ARHGEF9: variants seen among roughly 807,000 people sequenced by gnomAD.
The protein encoded by ARHGEF9 is Cdc42 guanine nucleotide exchange factor 9.
In ARHGEF9, 2 loss-of-function variants were observed where a neutral mutation model predicts 41.3. The ratio of observed to expected loss-of-function variants is 0.05; its 90% confidence interval spans 0.02 to 0.15. The LOEUF (loss-of-function observed/expected upper bound fraction) is 0.15. Ranked by LOEUF, ARHGEF9 falls within the 10% of genes least tolerant of loss-of-function variation. The probability of loss-of-function intolerance (pLI) is 1.00; values close to 1 mark genes in which losing one functional copy is unlikely to be tolerated. For synonymous variants in ARHGEF9, 160 were observed against 154.4 expected, an observed-to-expected ratio of 1.04 and a Z score of -0.27; for missense variants, 225 against 424.7, an observed-to-expected ratio of 0.53 and a Z score of 4.13.
At chrX:63,768,116 T>C (rs1273101023) in intron 1 of ARHGEF9, among the ~76,000 whole-genome samples, 1 of 111,959 alleles carries the variant, frequency 8.9e-6, no homozygotes, top group African/African-American at 3.2e-5. Context: ...TATGTAGTTT[T>C]TTATTTTTTG....
At chrX:63,686,201 T>G (rs1484430485) in intron 4 of ARHGEF9, among the ~76,000 whole-genome samples, 1 of 111,828 alleles carries the variant, frequency 8.9e-6, no homozygotes, top group African/African-American at 3.2e-5. Flanking sequence ...AAGAATGAAA[T>G]TATGTCATTT....
At position 63,697,259 on chromosome X, in the gene ARHGEF9, C is replaced by T. The variant is rs782237174; in HGVS notation, c.448G>A (p.Glu150Lys). ...TTCCCAAAGATTACCTTCAGTTGCT[C>T]GTCACTGAACATGTCCCTTCTCTTC... The part of the protein sequence containing the change: ...CRKRRDMFSD[E>K]QLKVIFGNIE... The change falls in exon 4 of 10, where the codon GAG (glutamate) becomes AAG (lysine). Residue 150 changes from glutamate (E) to lysine (K), a missense_variant. This residue lies in a region of ARHGEF9 where 114 missense variants were observed against 197.9 expected (regional missense o/e 0.58). Coordinates refer to ENST00000671741, the MANE Select transcript of ARHGEF9 (RefSeq NM_001353921.2). The T allele has an allele frequency of 1.7e-5, 20 of 1,208,703 alleles. No individual in the cohort carries two copies. The highest frequency in any genetic ancestry group is 2.2e-5 in the Non-Finnish European group (20 of 894,551).
intron 1 of ARHGEF9, among the ~76,000 whole-genome samples, chrX:63,781,815 A>G (rs1337688302): frequency 1.8e-5 from 2 of 112,035 alleles, no homozygotes; most frequent in Non-Finnish European, 3.8e-5. Context: ...GATTTCATCT[A>G]TCCTTCTTCC....
intron 2 of ARHGEF9, among the ~76,000 whole-genome samples, chrX:63,721,406 T>C (rs781798540): frequency 1.5e-4 from 17 of 111,105 alleles, no homozygotes; most frequent in African/African-American, 5.6e-4. Flanking sequence ...CAGCTCCTGA[T>C]GACACCTCAG....
chrX:63,755,122 T>TC, intron 1 of ARHGEF9: 7 of 938,153 alleles, frequency 7.5e-6, no homozygotes, highest in Non-Finnish European at 9.3e-6. Context: ...TCTCTCCCCA[T>TC]CCCCCGCTCA....
At chrX:63,742,883 C>T (rs1358233934) in intron 1 of ARHGEF9, among the ~76,000 whole-genome samples, 1 of 112,313 alleles carries the variant, frequency 8.9e-6, no homozygotes, top group Non-Finnish European at 1.9e-5. Flanking sequence ...CAATGCCAAC[C>T]TATCCAATTA....
intron 1 of ARHGEF9, chrX:63,736,971 T>C (rs1407423682): frequency 1.8e-5 from 2 of 111,270 alleles, no homozygotes; most frequent in Non-Finnish European, 3.8e-5. Flanking sequence ...AGAACTAATA[T>C]TTTCTCCCTA....
intron 8 of ARHGEF9, 35 bp downstream of exon 8, chrX:63,655,459 A>G: frequency 1.7e-6 from 2 of 1,209,928 alleles, no homozygotes; most frequent in South Asian, 1.8e-5. Flanking sequence ...TGTTCTTCAT[A>G]GCCATGTTCT....
intron 6 of ARHGEF9, among the ~76,000 whole-genome samples, chrX:63,670,528 A>G (rs1443428700): frequency 9.1e-6 from 1 of 109,785 alleles, no homozygotes; most frequent in Non-Finnish European, 1.9e-5. Context: ...TCCTGCTACA[A>G]ATCTCCAGAA....
rs781945500 is a variant in ARHGEF9, at chrX:63,657,568, A to T, written c.1078-1831T>A. 2.7e-5 allele frequency: 3 copies of T among 112,074 alleles called. No homozygotes were observed. In the East Asian group the frequency reaches 8.4e-4, roughly 31 times the overall value. 9.2% of individuals were successfully genotyped at this position (112,074 alleles called of 1,213,427 possible). ...AAAGAATATAGATGGATTCTGATCTATTGGTTGTCCCCAGGATCAAGTTCA... is the reference window on the plus strand; with the variant it reads ...AAAGAATATAGATGGATTCTGATCTTTTGGTTGTCCCCAGGATCAAGTTCA... On this transcript the variant is annotated intron_variant, in intron 7 of 9. Transcript: ENST00000671741.
rs1467345208 is a variant in ARHGEF9, at chrX:63,636,903, A to G, written c.*1125T>C. On this transcript the variant is annotated 3_prime_UTR_variant, in exon 10 of 10. Coordinates refer to ENST00000671741, the MANE Select transcript of ARHGEF9 (RefSeq NM_001353921.2). ...CTTGAACCCCTCCATACTTCTATCA[A>G]TGCTGCCCAAACATCTGTAAATGGG... 1.4e-5 allele frequency: 4 copies of G among 295,269 alleles called. No individual in the cohort carries two copies. The highest frequency in any genetic ancestry group is 2.1e-4 in the South Asian group (1 of 4,786). 24.3% of individuals were successfully genotyped at this position (295,269 alleles called of 1,213,427 possible).
At chrX:63,674,287 A>G in intron 5 of ARHGEF9, 120 bp from the exon 6 acceptor site, 1 of 788,734 alleles carries the variant, frequency 1.3e-6, no homozygotes, top group East Asian at 3.4e-5. Flanking sequence ...TGATTTTCAG[A>G]TGGGAACCCA....
chrX:63,785,096 C>T lies in ARHGEF9; in HGVS notation c.30+20G>A, dbSNP rs1556464456. 6.0e-6 allele frequency: 7 copies of T among 1,162,523 alleles called. No homozygotes were observed. In the Admixed American group the frequency reaches 1.8e-4, roughly 30 times the overall value. On this transcript the variant is annotated intron_variant, in intron 1 of 9. Coordinates refer to ENST00000671741, the MANE Select transcript of ARHGEF9 (RefSeq NM_001353921.2). The stretch of plus-strand genomic sequence containing the variant: ...GACTGAGAGGCTCAAGCAAGGGAAG[C>T]CAAGGTTACATGCACTCACCATTCC...
chrX:63,732,906 C>T (rs1164674762), intron 1 of ARHGEF9, among the ~76,000 whole-genome samples: 1 of 111,798 alleles, frequency 8.9e-6, no homozygotes, highest in Non-Finnish European at 1.9e-5. Context: ...CTGCTTCTTC[C>T]TAGCTGTGTG....
chrX:63,744,712 A>T lies in ARHGEF9; in HGVS notation c.31-20001T>A, dbSNP rs782079541. On this transcript the variant is annotated intron_variant, in intron 1 of 9. Transcript: ENST00000671741. ...AGACTGTTCAAGAGGAGTAGTTAAG[A>T]ATCAAGTGAGTACCCACTAGCCCCA... 1.7e-4 allele frequency among the ~76,000 whole-genome samples: 19 copies of T among 112,078 alleles called. No homozygotes were observed. In the East Asian group the frequency reaches 4.8e-3, roughly 28 times the overall value.
chrX:63,645,276 G>C (rs2047950557), intron 8 of ARHGEF9, among the ~76,000 whole-genome samples: 1 of 109,728 alleles, frequency 9.1e-6, no homozygotes, highest in South Asian at 4.0e-4. Flanking sequence ...TGTGCACAAT[G>C]TACAGGTTTG....
chrX:63,654,620 A>G (rs1168892684), intron 8 of ARHGEF9, among the ~76,000 whole-genome samples: 2 of 111,963 alleles, frequency 1.8e-5, no homozygotes, highest in Non-Finnish European at 3.8e-5. Flanking sequence ...GAAGGATAAG[A>G]GAACCCTTTT....
At chrX:63,696,924 C>T (rs1487191862) in intron 4 of ARHGEF9, among the ~76,000 whole-genome samples, 1 of 111,607 alleles carries the variant, frequency 9.0e-6, no homozygotes, top group African/African-American at 3.3e-5. Context: ...CATACACATG[C>T]TTAACATTTA....
At chrX:63,776,274 C>T (rs2056292387) in intron 1 of ARHGEF9, among the ~76,000 whole-genome samples, 1 of 110,975 alleles carries the variant, frequency 9.0e-6, no homozygotes, top group African/African-American at 3.3e-5. Context: ...CAGGAGTCTG[C>T]AAACCTTTTC....
Sources: allele counts gnomAD v4.1 joint callset (sites outside exome capture counted in the v4.1 genomes callset), GRCh38; gene constraint gnomAD v4.1.1; regional missense constraint gnomAD v4.1.1; transcripts MANE v1.5; gene names NCBI Gene and HGNC (gene_info 2026-07-23, HGNC 2026-07-21).